Variants in SERPINB12 observed in about 807,000 individuals in gnomAD.
SERPINB12 encodes the protein serpin family B member 12.
SERPINB12 carries 57 observed loss-of-function variants against 41.1 expected under a neutral mutation model. That is an observed-to-expected ratio of 1.39 (90% confidence interval 1.12 to 1.73). The LOEUF (loss-of-function observed/expected upper bound fraction) is 1.73, where lower values mean the gene tolerates loss of function less well. SERPINB12 is among the 40% of genes most tolerant of loss of function. The pLI is 0.00. For missense variants in SERPINB12, 536 were observed against 501.9 expected, an observed-to-expected ratio of 1.07 and a Z score of -0.65; for synonymous variants, 180 against 181.3, an observed-to-expected ratio of 0.99 and a Z score of 0.06.
the SERPINB12 span, among the ~76,000 whole-genome samples, chr18:63,535,310 C>A: frequency 6.6e-6 from 1 of 151,986 alleles, no homozygotes; most frequent in Non-Finnish European, 1.5e-5. Context: ...CAAGACATCA[C>A]CCAACCAAAT....
chr18:63,524,584 C>G, the SERPINB12 span, among the ~76,000 whole-genome samples: 1 of 152,050 alleles, frequency 6.6e-6, no homozygotes, highest in African/African-American at 2.4e-5. Context: ...AGCCACTGTG[C>G]CTGGCCAAAA....
intron 7 of SERPINB12, among the ~76,000 whole-genome samples, 159 bp downstream of exon 7, chr18:63,565,771 C>T (rs1427220659): frequency 1.3e-5 from 2 of 152,176 alleles, no homozygotes; most frequent in African/African-American, 4.8e-5. Context: ...ATTTATTCCT[C>T]ATTTGTTTAG....
intron 1 of SERPINB12, among the ~76,000 whole-genome samples, chr18:63,543,119 A>G (rs1472020628): frequency 6.6e-6 from 1 of 152,154 alleles, no homozygotes; most frequent in East Asian, 1.9e-4. Context: ...TCATATTGGG[A>G]TAGTAATGTC....
upstream of SERPINB12, among the ~76,000 whole-genome samples, chr18:63,537,559 G>A (rs1910198550): frequency 1.3e-5 from 2 of 152,094 alleles, no homozygotes; most frequent in Admixed American, 1.3e-4. Context: ...CATTTGTTAC[G>A]AGTGTGGATA....
chr18:63,567,897 T>A lies in SERPINB12; in HGVS notation c.*886T>A, dbSNP rs998653018. On this transcript the variant is annotated 3_prime_UTR_variant, in exon 8 of 8. Transcript: ENST00000382768. ...GACGGCTGGCCTCCGTATGCCCCTCTCTCTGCCTTCTGGCCACGTGGAGGC... is the reference window on the plus strand; with the variant it reads ...GACGGCTGGCCTCCGTATGCCCCTCACTCTGCCTTCTGGCCACGTGGAGGC... Among the ~76,000 whole-genome samples the A allele has an allele frequency of 1.3e-5, 2 of 152,056 alleles. No homozygotes were observed. Among genetic ancestry groups the A allele is most frequent in the African/African-American group, 4.8e-5 (2 of 41,424 alleles).
chr18:63,566,568 C>T (rs757816373), intron 7 of SERPINB12, 39 bp from the exon 8 acceptor site: 2 of 1,548,598 alleles, frequency 1.3e-6, no homozygotes, highest in South Asian at 1.3e-5. Context: ...TTTGTGGTCC[C>T]ATAATCTGAT....
chr18:63,565,012 C>T (rs926500825), intron 6 of SERPINB12, among the ~76,000 whole-genome samples: 13 of 151,956 alleles, frequency 8.6e-5, no homozygotes, highest in Non-Finnish European at 1.9e-4. Flanking sequence ...ACAGGGAGAC[C>T]GTGTCTCTAC....
At chr18:63,534,359 C>T in the SERPINB12 span, among the ~76,000 whole-genome samples, 1 of 152,156 alleles carries the variant, frequency 6.6e-6, no homozygotes, top group Non-Finnish European at 1.5e-5. Flanking sequence ...TGGGGAGTTA[C>T]TAAAGTTAAA....
Position 63,542,372 on chromosome 18 carries a change from T to A in SERPINB12, c.-139T>A, listed in dbSNP as rs1299047111. Among the ~76,000 whole-genome samples the A allele has an allele frequency of 6.6e-6, 1 of 152,230 alleles. No homozygotes were observed. Among genetic ancestry groups the A allele is most frequent in the Non-Finnish European group, 1.5e-5 (1 of 68,048 alleles). The stretch of plus-strand genomic sequence containing the variant: ...GTGACAGAATAGCTTGCTCAATGCC[T>A]CTCCTTATAAGTTTTCACAGGCTGT... On this transcript the variant is annotated 5_prime_UTR_variant, in exon 1 of 8. Coordinates refer to ENST00000382768, the MANE Select transcript of SERPINB12 (RefSeq NM_001307928.2).
the SERPINB12 span, among the ~76,000 whole-genome samples, chr18:63,533,205 TA>T: frequency 6.6e-6 from 1 of 152,114 alleles, no homozygotes; most frequent in East Asian, 1.9e-4. Flanking sequence ...CTGGAACCCC[TA>T]ACCTCGTGAT....
At chr18:63,562,543 C>G (rs1179055543) in intron 5 of SERPINB12, among the ~76,000 whole-genome samples, 1 of 152,144 alleles carries the variant, frequency 6.6e-6, no homozygotes, top group Non-Finnish European at 1.5e-5. Context: ...GGCTTTCTCT[C>G]CCTGTCTCCT....
chr18:63,560,479 G>T (rs1279871601), intron 4 of SERPINB12, among the ~76,000 whole-genome samples: 1 of 152,168 alleles, frequency 6.6e-6, no homozygotes, highest in East Asian at 1.9e-4. Flanking sequence ...CTAGCCTTTT[G>T]ATGAGCTATA....
At chr18:63,527,525 G>A in the SERPINB12 span, among the ~76,000 whole-genome samples, 4 of 152,134 alleles carry the variant, frequency 2.6e-5, no homozygotes, top group African/African-American at 9.7e-5. Context: ...AGATTGCATG[G>A]ACCTTTTGCT....
At chr18:63,551,919 C>T (rs759641011) in intron 1 of SERPINB12, among the ~76,000 whole-genome samples, 9 of 152,184 alleles carry the variant, frequency 5.9e-5, no homozygotes, top group South Asian at 2.1e-4. Flanking sequence ...TATTGCTCAC[C>T]GCACAGAGAG....
intron 4 of SERPINB12, 118 bp from the exon 5 acceptor site, chr18:63,560,967 A>C: frequency 1.4e-6 from 1 of 701,084 alleles, no homozygotes; most frequent in Non-Finnish European, 2.5e-6. Context: ...CTGTCCATGA[A>C]ATGTGAAATG....
chr18:63,559,508 C>T (rs2144340365), intron 3 of SERPINB12, 70 bp from the exon 4 acceptor site: 8 of 1,502,096 alleles, frequency 5.3e-6, no homozygotes, highest in Non-Finnish European at 7.3e-6. Flanking sequence ...ACAAAACACG[C>T]ATCTTTTAGC....
At chr18:63,525,835 A>T in the SERPINB12 span, among the ~76,000 whole-genome samples, 1 of 152,228 alleles carries the variant, frequency 6.6e-6, no homozygotes, top group Non-Finnish European at 1.5e-5. Flanking sequence ...TAAGAACTTT[A>T]AAGTAAATAT....
chr18:63,545,302 A>G (rs1003917873), intron 1 of SERPINB12, among the ~76,000 whole-genome samples: 1 of 151,618 alleles, frequency 6.6e-6, no homozygotes, highest in Non-Finnish European at 1.5e-5. Context: ...ATTCTCTGGC[A>G]CTTGAAGTCA....
At position 63,567,498 on chromosome 18, in the gene SERPINB12, G is replaced by A. The variant is rs139462327; in HGVS notation, c.*487G>A. Among the ~76,000 whole-genome samples, 48 of 152,246 alleles carry A rather than the reference G, an allele frequency of 3.2e-4. No homozygotes were observed. In the Middle Eastern group the frequency reaches 0.014, roughly 43 times the overall value. ...ATAGTTATGATTGTGGTCATCACTG[G>A]GCGAGATGCCCTGTTTCTTCCTTTG... On this transcript the variant is annotated 3_prime_UTR_variant, in exon 8 of 8. Coordinates refer to ENST00000382768, the MANE Select transcript of SERPINB12 (RefSeq NM_001307928.2).
Sources: gnomAD v4.1 joint callset for allele counts (sites outside exome capture counted in the v4.1 genomes callset) on GRCh38, gnomAD v4.1.1 for gene constraint, MANE v1.5 for transcripts, NCBI Gene and HGNC (gene_info 2026-07-23, HGNC 2026-07-21) for gene names.